GRM7: variants seen among roughly 807,000 people sequenced by gnomAD.
GRM7 encodes the protein glutamate metabotropic receptor 7.
Under a neutral mutation model 84.5 loss-of-function variants are expected in GRM7, and 35 were observed. That is an observed-to-expected ratio of 0.41 (90% CI 0.32 to 0.55). The LOEUF (loss-of-function observed/expected upper bound fraction) is 0.55. Ranked by LOEUF, GRM7 falls within the 20% of genes least tolerant of loss-of-function variation. The probability of loss-of-function intolerance (pLI) is 0.19; values close to 1 mark genes in which losing one functional copy is unlikely to be tolerated. For synonymous variants in GRM7, 487 were observed against 455.1 expected (o/e 1.07, Z -0.89); for missense variants, 1,003 against 1,194.6 (o/e 0.84, Z 2.36).
At chr3:7,484,420 C>T (rs564667088) in intron 7 of GRM7, among the ~76,000 whole-genome samples, 2 of 152,146 alleles carry the variant, frequency 1.3e-5, no homozygotes, top group South Asian at 4.1e-4. Context: ...TTAATTTATA[C>T]TGGATAATAT....
At chr3:7,568,487 C>T (rs566982133) in intron 7 of GRM7, among the ~76,000 whole-genome samples, 1 of 152,354 alleles carries the variant, frequency 6.6e-6, no homozygotes, top group East Asian at 1.9e-4. Flanking sequence ...CCTTGGCGCC[C>T]ACTCTGGCCA....
chr3:7,389,191 G>C (rs550993244), intron 4 of GRM7, among the ~76,000 whole-genome samples: 51 of 152,230 alleles, frequency 3.4e-4, no homozygotes, highest in African/African-American at 1.2e-3. Flanking sequence ...GGTTTTGAGA[G>C]TTCCTCTTGG....
rs138037996 is a variant in GRM7 at position 7,208,153 on chromosome 3, C to T, written c.736+61485C>T. On this transcript the variant is annotated intron_variant, in intron 2 of 9. Transcript: ENST00000357716. Reference sequence around the variant, plus strand: ...AGGATAAACATTTCAGCCACCCATTCGATACCTCTCCAAAAGTCTCATTCA... The same window carrying T: ...AGGATAAACATTTCAGCCACCCATTTGATACCTCTCCAAAAGTCTCATTCA... Among the ~76,000 whole-genome samples the T allele has an allele frequency of 1.1e-3, 174 of 152,302 alleles. 1 individual carries two copies. The highest frequency in any genetic ancestry group is 4.0e-3 in the African/African-American group (167 of 41,558).
chr3:7,579,552 G>A lies in GRM7; in HGVS notation c.2451+195G>A, dbSNP rs1695142658. 2.0e-5 allele frequency among the ~76,000 whole-genome samples: 3 copies of A among 152,032 alleles called. No homozygotes were observed. The South Asian group carries it at 6.2e-4, about 32-fold the overall frequency. ...AAACTGAGCCACGTTCATTCCACTGGAAACCAACCAGATGTAGCCTTTTCA... is the reference window on the plus strand; with the variant it reads ...AAACTGAGCCACGTTCATTCCACTGAAAACCAACCAGATGTAGCCTTTTCA... On this transcript the variant is annotated intron_variant, in intron 8 of 9. Transcript: ENST00000357716.
At chr3:7,243,555 T>C (rs1697643182) in intron 2 of GRM7, among the ~76,000 whole-genome samples, 1 of 152,142 alleles carries the variant, frequency 6.6e-6, no homozygotes, top group Non-Finnish European at 1.5e-5. Flanking sequence ...ATCTCATTGG[T>C]TCTGAATGGG....
chr3:7,572,030 C>T (rs1170823253), intron 7 of GRM7, among the ~76,000 whole-genome samples: 1 of 152,122 alleles, frequency 6.6e-6, no homozygotes, highest in South Asian at 2.1e-4. Context: ...GCCCACCCCC[C>T]ATAATTCAAT....
chr3:6,988,286 GGCGT>G (rs1426137692), intron 1 of GRM7, among the ~76,000 whole-genome samples: 27 of 150,424 alleles, frequency 1.8e-4, no homozygotes, highest in African/African-American at 6.4e-4. Context: ...TGGGATTACA[GGCGT>G]GATCCACTGC....
chr3:7,107,257 G>A (rs1445339300), intron 1 of GRM7, among the ~76,000 whole-genome samples: 1 of 152,052 alleles, frequency 6.6e-6, no homozygotes, highest in Non-Finnish European at 1.5e-5. Context: ...ATACAGTCTA[G>A]TTTCTTTTTC....
chr3:7,428,037 C>T (rs1319348800), intron 5 of GRM7, among the ~76,000 whole-genome samples: 1 of 152,196 alleles, frequency 6.6e-6, no homozygotes, highest in Non-Finnish European at 1.5e-5. Context: ...GACCCAGCAC[C>T]AGCCACTACA....
chr3:7,305,618 A>AACC (rs1273083127), intron 3 of GRM7, among the ~76,000 whole-genome samples: 14 of 58,896 alleles, frequency 2.4e-4, no homozygotes, highest in East Asian at 6.4e-4. Context: ...TGTTCTTGCG[A>AACC]TAGTTTACTG....
intron 5 of GRM7, among the ~76,000 whole-genome samples, chr3:7,425,119 T>C (rs746243539): frequency 2.0e-5 from 3 of 152,182 alleles, no homozygotes; most frequent in Non-Finnish European, 2.9e-5. Flanking sequence ...TTTGCTTCTA[T>C]AGCAATTTCC....
intron 4 of GRM7, among the ~76,000 whole-genome samples, chr3:7,311,681 C>T (rs2125041995): frequency 6.6e-6 from 1 of 151,548 alleles, no homozygotes; most frequent in East Asian, 1.9e-4. Flanking sequence ...GCAACCTCTG[C>T]CTCCCGGGTT....
intron 1 of GRM7, among the ~76,000 whole-genome samples, chr3:7,010,784 C>T (rs1466385007): frequency 6.6e-6 from 1 of 152,158 alleles, no homozygotes; most frequent in African/African-American, 2.4e-5. Flanking sequence ...AGAAACCATC[C>T]TCCAAGGTTC....
intron 2 of GRM7, among the ~76,000 whole-genome samples, chr3:7,184,244 A>G (rs1695440527): frequency 6.6e-6 from 1 of 152,144 alleles, no homozygotes; most frequent in Non-Finnish European, 1.5e-5. Flanking sequence ...CCTTCTCCGA[A>G]AAAGTAAAAA....
chr3:7,382,599 C>T (rs552630796), intron 4 of GRM7, among the ~76,000 whole-genome samples: 2 of 152,144 alleles, frequency 1.3e-5, no homozygotes, highest in Admixed American at 6.5e-5. Flanking sequence ...ATAACTGGAA[C>T]ACTGAAGACA....
intron 8 of GRM7, among the ~76,000 whole-genome samples, chr3:7,672,626 A>G (rs1162237027): frequency 5.2e-5 from 7 of 135,800 alleles, no homozygotes; most frequent in Middle Eastern, 4.1e-3. Flanking sequence ...TTTTTTTGAG[A>G]CGGAGTCTCG....
intron 2 of GRM7, among the ~76,000 whole-genome samples, chr3:7,208,901 T>C (rs912664210): frequency 6.6e-6 from 1 of 152,186 alleles, no homozygotes; most frequent in African/African-American, 2.4e-5. Flanking sequence ...AGAGCATAGT[T>C]GAATGTACCT....
At chr3:7,330,860 G>C (rs1233548975) in intron 4 of GRM7, among the ~76,000 whole-genome samples, 2 of 152,142 alleles carry the variant, frequency 1.3e-5, no homozygotes, top group African/African-American at 4.8e-5. Context: ...CCTAGAGACA[G>C]GATGGTCTTT....
At chr3:7,585,169 C>G (rs1360602867) in intron 8 of GRM7, among the ~76,000 whole-genome samples, 2 of 152,176 alleles carry the variant, frequency 1.3e-5, no homozygotes, top group African/African-American at 2.4e-5. Context: ...GGAACTCATA[C>G]TGGTTGTTGA....
Sources: gnomAD v4.1 joint callset for allele counts (sites outside exome capture counted in the v4.1 genomes callset) on GRCh38, gnomAD v4.1.1 for gene constraint, MANE v1.5 for transcripts, NCBI Gene and HGNC (gene_info 2026-07-23, HGNC 2026-07-21) for gene names.